Variants in MEF2D observed in about 807,000 individuals in gnomAD.
The protein encoded by MEF2D is myocyte-specific enhancer factor 2D.
In MEF2D, 10 loss-of-function variants were observed where a neutral mutation model predicts 59.3. That is an observed-to-expected ratio of 0.17 (90% confidence interval 0.10 to 0.29). The LOEUF is 0.29. Among genes scored for constraint, MEF2D ranks in the 10% least tolerant of loss-of-function variants. MEF2D has a pLI of 1.00. For missense variants in MEF2D, 508 were observed against 699.4 expected, an observed-to-expected ratio of 0.73 and a Z score of 3.09; for synonymous variants, 305 against 295.0, an observed-to-expected ratio of 1.03 and a Z score of -0.35.
chr1:156,468,764 T>C lies in MEF2D; in HGVS notation c.1247+16A>G. The C allele has an allele frequency of 6.2e-7, 1 of 1,601,198 alleles. No homozygotes were observed. Among genetic ancestry groups the C allele is most frequent in the Non-Finnish European group, 8.6e-7 (1 of 1,169,486 alleles). On this transcript the variant is annotated intron_variant, in intron 10 of 11. Transcript: ENST00000348159. The surrounding 1 kb of genome is among the most constrained non-coding windows in gnomAD (Gnocchi z 4.3). ...TCCCTTCCCACACACTCACATGCAG[T>C]CTCCCCAGGACTCACATGAGGTTGC...
At chr1:156,495,636 C>A (rs1235248661) in intron 1 of MEF2D, among the ~76,000 whole-genome samples, 5 of 151,472 alleles carry the variant, frequency 3.3e-5, no homozygotes, top group Non-Finnish European at 7.4e-5. Flanking sequence ...TGCACTCGAG[C>A]CTGGACAACA....
chr1:156,482,649 A>G lies in MEF2D; in HGVS notation c.55-9T>C. The stretch of plus-strand genomic sequence containing the variant: ...CGCTTGGTGAAAGTCACCTGCAGAG[A>G]AGGATGGGTGGGCGGCCAGATCTGG... On this transcript the variant is annotated splice_polypyrimidine_tract_variant and intron_variant, in intron 2 of 11. Transcript: ENST00000348159. 1.2e-6 allele frequency: 2 copies of G among 1,614,078 alleles called. No homozygotes were observed. The highest frequency in any genetic ancestry group is 2.2e-5 in the South Asian group (2 of 91,078).
intron 1 of MEF2D, chr1:156,484,175 A>T (rs1278263987): frequency 6.6e-6 from 1 of 152,300 alleles, no homozygotes; most frequent in East Asian, 1.9e-4. Context: ...GACTGTGAAC[A>T]ATCAATTGAG....
chr1:156,480,687 T>C, intron 4 of MEF2D, 147 bp downstream of exon 4: 3 of 1,587,824 alleles, frequency 1.9e-6, no homozygotes, highest in Non-Finnish European at 2.6e-6. Context: ...TCCTCGTCTA[T>C]CTTTTTATAT....
intron 1 of MEF2D, among the ~76,000 whole-genome samples, chr1:156,486,432 C>T (rs1672364274): frequency 6.6e-6 from 1 of 152,210 alleles, no homozygotes; most frequent in Admixed American, 6.5e-5. Flanking sequence ...GATTCTCTGG[C>T]CTAGTCTTGA....
chr1:156,494,559 GCC>G (rs1163807724), intron 1 of MEF2D, among the ~76,000 whole-genome samples: 1 of 152,070 alleles, frequency 6.6e-6, no homozygotes, highest in Non-Finnish European at 1.5e-5. Context: ...AACCCTCAAG[GCC>G]TCCTCAATCC....
intron 1 of MEF2D, among the ~76,000 whole-genome samples, chr1:156,487,835 T>G (rs989032354): frequency 2.0e-5 from 3 of 152,224 alleles, no homozygotes; most frequent in Non-Finnish European, 4.4e-5. Context: ...TCCTGTCTGG[T>G]CTACTCCTCC....
chr1:156,494,759 T>C (rs1038306557), intron 1 of MEF2D, among the ~76,000 whole-genome samples: 1 of 152,212 alleles, frequency 6.6e-6, no homozygotes, highest in African/African-American at 2.4e-5. Context: ...TTCACAGGTA[T>C]GGAAACTCAC....
At position 156,475,447 on chromosome 1, in the gene MEF2D, T is replaced by C. The variant is rs572835142; in HGVS notation, c.877-210A>G. On this transcript the variant is annotated intron_variant, in intron 8 of 11. Transcript: ENST00000348159. ...GGGAAACATGCACACACAGATTCAC[T>C]GACACCAACACACGTGCAAAGATGA... Among the ~76,000 whole-genome samples, 25 of 152,332 alleles carry C rather than the reference T, an allele frequency of 1.6e-4. No homozygotes were observed. In the East Asian group the frequency reaches 4.2e-3, roughly 26 times the overall value.
chr1:156,475,161 C>T lies in MEF2D; in HGVS notation c.953G>A (p.Ser318Asn), dbSNP rs1671484429. The T allele has an allele frequency of 1.2e-6, 2 of 1,614,124 alleles. No individual in the cohort carries two copies. Among genetic ancestry groups the T allele is most frequent in the Admixed American group, 3.3e-5 (2 of 60,008 alleles). ...TTPVVSVATP[S>N]LLSQGLPFSS... ...GAAGGGGAGGCCCTGGCTGAGTAAA[C>T]TCGGCGTTGCCACAGAAACCACTGG... Residue 318 changes from serine to asparagine, a missense_variant, in exon 9 of 12, where the codon AGT becomes AAT. This residue lies in a region of MEF2D where 481 missense variants were observed against 584.7 expected (regional missense o/e 0.82). Coordinates refer to ENST00000348159, the MANE Select transcript of MEF2D (RefSeq NM_005920.4).
In MEF2D at chr1:156,468,007, G is replaced by A. The variant is rs762225408; in HGVS notation, c.1540C>T (p.Arg514Trp). 1 of 1,612,516 alleles carries A rather than the reference G, an allele frequency of 6.2e-7. No homozygotes were observed. Residue 514 changes from arginine (R) to tryptophan (W), a missense_variant, in exon 11 of 12, where the codon CGG becomes TGG. Transcript: ENST00000348159. This position sits in a 1 kb window ranked among gnomAD's most constrained non-coding sequence, Gnocchi z 4.3. Reference sequence around the variant, plus strand: ...TGCTACAGTACCCAGGTATCAAGCCGCATCCTCTTCACAGCTGAGCCCTCA... The same window carrying A: ...TGCTACAGTACCCAGGTATCAAGCCACATCCTCTTCACAGCTGAGCCCTCA... ...EAEGSAVKRMRLDTWTLK is the reference protein window; with the variant it reads ...EAEGSAVKRMWLDTWTLK
At chr1:156,483,569 G>A in intron 1 of MEF2D, 139 bp from the exon 2 acceptor site, 1 of 552,742 alleles carries the variant, frequency 1.8e-6, no homozygotes, top group Non-Finnish European at 3.2e-6. Context: ...AGGCAATGCT[G>A]TCTGCCTGAG....
At chr1:156,485,860 T>C (rs1298129513) in intron 1 of MEF2D, among the ~76,000 whole-genome samples, 1 of 151,484 alleles carries the variant, frequency 6.6e-6, no homozygotes, top group African/African-American at 2.4e-5. Flanking sequence ...TTTTTTCTTT[T>C]TTTTTGTGAG....
intron 7 of MEF2D, 101 bp downstream of exon 7, chr1:156,476,911 C>A (rs1671648598): frequency 7.2e-7 from 1 of 1,397,608 alleles, no homozygotes; most frequent in Admixed American, 1.9e-5. Context: ...GAAGTCCTAA[C>A]TGCTGGCTAG....
At chr1:156,487,886 C>T (rs1210781528) in intron 1 of MEF2D, among the ~76,000 whole-genome samples, 1 of 152,266 alleles carries the variant, frequency 6.6e-6, no homozygotes, top group Non-Finnish European at 1.5e-5. Flanking sequence ...TTGGCTGCTT[C>T]TCTTCTAACC....
chr1:156,497,860 C>G (rs1480702399), intron 1 of MEF2D, among the ~76,000 whole-genome samples: 1 of 151,914 alleles, frequency 6.6e-6, no homozygotes, highest in Non-Finnish European at 1.5e-5. Flanking sequence ...GGGGAGAGGT[C>G]CAGGCCTCTC....
intron 9 of MEF2D, 142 bp downstream of exon 9, chr1:156,474,966 T>C: frequency 8.4e-7 from 1 of 1,194,566 alleles, no homozygotes; most frequent in South Asian, 1.5e-5. Context: ...CTAAACCTGT[T>C]AACCATAAGT....
chr1:156,491,018 C>T (rs778223365), intron 1 of MEF2D, among the ~76,000 whole-genome samples: 41 of 152,192 alleles, frequency 2.7e-4, no homozygotes, highest in Non-Finnish European at 4.4e-4. Flanking sequence ...GGGCTGGCTC[C>T]TAGGTAACCA....
chr1:156,467,744 C>T, intron 11 of MEF2D, 88 bp from the exon 12 acceptor site: 2 of 1,319,538 alleles, frequency 1.5e-6, no homozygotes, highest in Non-Finnish European at 2.0e-6. Flanking sequence ...CCCATAGGGC[C>T]AGGATTCTAG....
Sources: allele counts gnomAD v4.1 joint callset (sites outside exome capture counted in the v4.1 genomes callset), GRCh38; gene constraint gnomAD v4.1.1; regional missense constraint gnomAD v4.1.1; non-coding constraint Gnocchi (gnomAD v3.1); transcripts MANE v1.5; gene names NCBI Gene and HGNC (gene_info 2026-07-23, HGNC 2026-07-21).